The following INO80D variants were observed in gnomAD, a reference collection of about 807,000 sequenced individuals.
The protein encoded by INO80D is INO80 complex subunit D.
INO80D carries 21 observed loss-of-function variants against 87.6 expected under a neutral mutation model. The observed-to-expected ratio is 0.24, with a 90% CI of 0.17 to 0.35. INO80D has a LOEUF of 0.35. Among genes scored for constraint, INO80D ranks in the 10% least tolerant of loss-of-function variants. INO80D has a pLI of 1.00. For missense variants in INO80D, 982 were observed against 1,280.7 expected (o/e 0.77, Z 3.56); for synonymous variants, 440 against 491.0 (o/e 0.90, Z 1.37).
At chr2:206,018,220 C>T (rs1575807010) in intron 7 of INO80D, among the ~76,000 whole-genome samples, 1 of 152,240 alleles carries the variant, frequency 6.6e-6, no homozygotes, top group Admixed American at 6.5e-5. Flanking sequence ...AGCTCACTGC[C>T]ACCTCGGCCT....
intron 1 of INO80D, among the ~76,000 whole-genome samples, chr2:206,074,572 C>T (rs1690060594): frequency 6.6e-6 from 1 of 152,038 alleles, no homozygotes; most frequent in South Asian, 2.1e-4. Flanking sequence ...CGAGATCACA[C>T]CGTTACACTC....
At position 206,063,003 on chromosome 2, in the gene INO80D, T is replaced by G; in HGVS notation, c.14A>C (p.Lys5Thr). 6.2e-7 allele frequency: 1 copy of G among 1,610,810 alleles called. No homozygotes were observed. The highest frequency in any genetic ancestry group is 8.5e-7 in the Non-Finnish European group (1 of 1,178,458). ...GTCAACCTCAGAGAAGTGTATATGT[T>G]TCCCTTCATACATCACGTGACTCTA... is the stretch of plus-strand genomic sequence containing the variant. Reference protein sequence around the residue: MYEGKHIHFSEVDNK... With the variant: MYEGTHIHFSEVDNK... The change falls in exon 3 of 11, where the codon AAA becomes ACA. Residue 5 changes from lysine to threonine, a missense_variant. Physicochemically the swap from Lys to Thr is moderately conservative, Grantham distance 78 (BLOSUM62 -1). Transcript: ENST00000403263.
intron 1 of INO80D, among the ~76,000 whole-genome samples, chr2:206,084,007 C>A (rs867052787): frequency 4.0e-5 from 6 of 151,638 alleles, no homozygotes; most frequent in Middle Eastern, 3.4e-3. Context: ...AGGAGGTAAG[C>A]ATAGCCACGG....
chr2:206,043,881 A>T (rs1689125751), intron 5 of INO80D, among the ~76,000 whole-genome samples: 1 of 152,172 alleles, frequency 6.6e-6, no homozygotes, highest in South Asian at 2.1e-4. Context: ...AGAAATTGGA[A>T]TAAAGATGGA....
In INO80D at chr2:206,001,160, C is replaced by T. The variant is rs1687902745; in HGVS notation, c.*3208G>A. On this transcript the variant is annotated 3_prime_UTR_variant, in exon 11 of 11. Coordinates refer to ENST00000403263, the MANE Select transcript of INO80D (RefSeq NM_017759.5). ...TAAGCCATTTTTACAGAAGAAAAAA[C>T]AATGTCTTAAGTACTTTAATTAAAA... The T allele has an allele frequency of 6.6e-6, 1 of 152,116 alleles. No individual in the cohort carries two copies. Among genetic ancestry groups the T allele is most frequent in the Non-Finnish European group, 1.5e-5 (1 of 68,022 alleles). The allele number at this position is 152,116 out of a possible 1,614,324, so 9.4% of individuals were successfully genotyped here.
chr2:205,996,293 AATT>A lies in INO80D; in HGVS notation c.*8072_*8074del, dbSNP rs1171092475. On this transcript the variant is annotated 3_prime_UTR_variant, in exon 11 of 11. Coordinates refer to ENST00000403263, the MANE Select transcript of INO80D (RefSeq NM_017759.5). ...AGATGCTTCTGGCTAGAAGAGACAG[AATT>A]AAGGGGGAAAAAAACCACAATGATG... 4.0e-5 allele frequency: 6 copies of A among 151,658 alleles called. No homozygotes were observed. Among genetic ancestry groups the A allele is most frequent in the Non-Finnish European group, 7.4e-5 (5 of 67,854 alleles). The allele number at this position is 151,658 out of a possible 1,614,324, so 9.4% of individuals were successfully genotyped here.
chr2:206,064,146 C>T (rs1689755804), intron 1 of INO80D, among the ~76,000 whole-genome samples: 1 of 152,162 alleles, frequency 6.6e-6, no homozygotes, highest in Admixed American at 6.5e-5. Context: ...AGTTCTGCAC[C>T]ACATGGTGCT....
intron 1 of INO80D, among the ~76,000 whole-genome samples, chr2:206,066,575 G>A (rs1290710630): frequency 6.6e-6 from 1 of 152,118 alleles, no homozygotes; most frequent in Non-Finnish European, 1.5e-5. Context: ...GGAGGCCAAG[G>A]TAGGCAGATT....
rs554326478 is a variant in INO80D at position 205,998,221 on chromosome 2, C to G, written c.*6147G>C. On this transcript the variant is annotated 3_prime_UTR_variant, in exon 11 of 11. Coordinates refer to ENST00000403263, the MANE Select transcript of INO80D (RefSeq NM_017759.5). The stretch of plus-strand genomic sequence containing the variant: ...TACTTGATCTATGTATTTCTATGTA[C>G]CCTGTAACTAAGCTTCTAGCCATCT... 1 of 152,112 alleles carries G rather than the reference C, an allele frequency of 6.6e-6. No homozygotes were observed. The highest frequency in any genetic ancestry group is 2.1e-4 in the South Asian group (1 of 4,828). The allele number at this position is 152,112 out of a possible 1,614,324, so 9.4% of individuals were successfully genotyped here. A position where few individuals can be genotyped will look rare whatever the true frequency, so the allele number is the denominator to read the frequency against.
intron 1 of INO80D, among the ~76,000 whole-genome samples, chr2:206,077,318 C>T (rs897931673): frequency 4.0e-5 from 6 of 149,402 alleles, no homozygotes; most frequent in Non-Finnish European, 7.4e-5. Context: ...CCAGCCTGGG[C>T]GACACAGCGA....
intron 5 of INO80D, among the ~76,000 whole-genome samples, chr2:206,031,274 A>G (rs1446060160): frequency 1.3e-5 from 2 of 152,010 alleles, no homozygotes; most frequent in Non-Finnish European, 2.9e-5. Flanking sequence ...AAAAAAAAAA[A>G]AGACATATAA....
rs1689722366 is a variant in INO80D at position 206,062,842 on chromosome 2, T to C, written c.175A>G (p.Ser59Gly). The C allele has an allele frequency of 6.2e-7, 1 of 1,613,030 alleles. No individual in the cohort carries two copies. The highest frequency in any genetic ancestry group is 8.5e-7 in the Non-Finnish European group (1 of 1,179,682). ...KQCEYVAKYN[S>G]QRCTNPIPKS... Reference sequence around the variant, plus strand: ...GGGATGGGGTTGGTGCAGCGTTGGCTGTTATACTTGGCCACATATTCACAT... The same window carrying C: ...GGGATGGGGTTGGTGCAGCGTTGGCCGTTATACTTGGCCACATATTCACAT... The change falls in exon 3 of 11, where the codon AGC (serine) becomes GGC (glycine). Residue 59 changes from serine to glycine, a missense_variant. Coordinates refer to ENST00000403263, the MANE Select transcript of INO80D (RefSeq NM_017759.5). The surrounding 1 kb of genome is among the most constrained non-coding windows in gnomAD (Gnocchi z 4.6).
chr2:206,019,850 G>C lies in INO80D; in HGVS notation c.1299-5C>G, dbSNP rs201917726. The C allele has an allele frequency of 1.9e-6, 3 of 1,608,748 alleles. No homozygotes were observed. The East Asian group carries it at 6.7e-5, about 36-fold the overall frequency. On this transcript the variant is annotated splice_polypyrimidine_tract_variant and splice_region_variant and intron_variant, in intron 6 of 10. Transcript: ENST00000403263. ...CTCAGCTTGGTCCGGCTTATGCTAA[G>C]GAAAGAAAAACAGAGAATTAATTTT...
intron 5 of INO80D, among the ~76,000 whole-genome samples, chr2:206,034,828 C>T (rs1320662299): frequency 4.6e-5 from 7 of 151,998 alleles, no homozygotes; most frequent in African/African-American, 1.2e-4. Context: ...ATGATCTGAT[C>T]GTTTACCCTT....
intron 4 of INO80D, among the ~76,000 whole-genome samples, chr2:206,051,662 T>C (rs1436313074): frequency 6.6e-6 from 1 of 152,062 alleles, no homozygotes; most frequent in African/African-American, 2.4e-5. Flanking sequence ...CTAAGAAGTT[T>C]TTTTTTTTAA....
intron 5 of INO80D, among the ~76,000 whole-genome samples, chr2:206,033,862 A>C (rs1008105605): frequency 1.3e-5 from 2 of 152,182 alleles, no homozygotes; most frequent in East Asian, 3.8e-4. Context: ...TAACCAAGAA[A>C]AGAAGAGAGA....
At chr2:206,020,997 T>C (rs1688449028) in intron 6 of INO80D, among the ~76,000 whole-genome samples, 1 of 151,406 alleles carries the variant, frequency 6.6e-6, no homozygotes, top group Non-Finnish European at 1.5e-5. Flanking sequence ...CATAGGGAGA[T>C]CCCCATCTCT....
At chr2:206,079,754 A>G (rs1451840940) in intron 1 of INO80D, among the ~76,000 whole-genome samples, 1 of 152,182 alleles carries the variant, frequency 6.6e-6, no homozygotes, top group African/African-American at 2.4e-5. Flanking sequence ...TTGTCACGTA[A>G]AAGAAATCCA....
At chr2:206,016,924 T>A (rs958133758) in intron 8 of INO80D, among the ~76,000 whole-genome samples, 15 of 152,178 alleles carry the variant, frequency 9.9e-5, no homozygotes, top group African/African-American at 3.6e-4. Flanking sequence ...TGAGTCCAAT[T>A]AAACCTCTTT....
Sources: gnomAD v4.1 joint callset for allele counts (sites outside exome capture counted in the v4.1 genomes callset) on GRCh38, gnomAD v4.1.1 for gene constraint, Gnocchi (gnomAD v3.1) non-coding constraint, MANE v1.5 for transcripts, NCBI Gene and HGNC (gene_info 2026-07-23, HGNC 2026-07-21) for gene names.